GJB7: variants seen among roughly 807,000 people sequenced by gnomAD.
GJB7 encodes gap junction protein beta 7, also known as gap junction beta-7 protein.
For missense variants in GJB7, 253 were observed against 256.8 expected (o/e 0.99, Z 0.10); for synonymous variants, 87 against 95.2 (o/e 0.91, Z 0.50).
Position 87,284,915 on chromosome 6 carries a change from C to G in GJB7, c.-3G>C. 6.2e-7 allele frequency: 1 copy of G among 1,606,392 alleles called. No homozygotes were observed. On this transcript the variant is annotated 5_prime_UTR_variant, in exon 3 of 3. Coordinates refer to ENST00000525899, the MANE Select transcript of GJB7 (RefSeq NM_198568.3). ...TCTCTGAGGAACATCCAACTCATGA[C>G]TTAGGCTCAAAAGAAGGCAAGACTC...
intron 2 of GJB7, among the ~76,000 whole-genome samples, chr6:87,301,556 T>C (rs1332812687): frequency 6.6e-6 from 1 of 152,168 alleles, no homozygotes; most frequent in Non-Finnish European, 1.5e-5. Flanking sequence ...TGGAGCCCAC[T>C]GCAGCTCAAG....
chr6:87,286,409 A>T (rs1776060111), intron 2 of GJB7, among the ~76,000 whole-genome samples: 1 of 152,072 alleles, frequency 6.6e-6, no homozygotes, highest in Non-Finnish European at 1.5e-5. Context: ...TCCTAAATGC[A>T]TCTCAAATCC....
intron 2 of GJB7, among the ~76,000 whole-genome samples, chr6:87,285,450 T>G (rs1776043732): frequency 6.6e-6 from 1 of 152,196 alleles, no homozygotes; most frequent in African/African-American, 2.4e-5. Context: ...ATATCCCATA[T>G]CAGCAGCTCA....
At chr6:87,300,315 A>G in intron 2 of GJB7, 1 of 182,730 alleles carries the variant, frequency 5.5e-6, no homozygotes. Flanking sequence ...CCCAACAAAC[A>G]TTGTGAGAAC....
At chr6:87,301,394 G>A (rs1310013441) in intron 2 of GJB7, among the ~76,000 whole-genome samples, 2 of 152,164 alleles carry the variant, frequency 1.3e-5, no homozygotes, top group African/African-American at 4.8e-5. Context: ...CCTGCACATG[G>A]CTCAGAGAGT....
intron 2 of GJB7, chr6:87,299,953 T>A (rs935327239): frequency 6.2e-6 from 2 of 320,754 alleles, no homozygotes; most frequent in Admixed American, 7.4e-5. Flanking sequence ...AACTTTCAGA[T>A]GGAGTAGCAG....
chr6:87,306,373 C>A (rs949878915), intron 2 of GJB7, among the ~76,000 whole-genome samples: 1 of 152,172 alleles, frequency 6.6e-6, no homozygotes, highest in Non-Finnish European at 1.5e-5. Context: ...AGGACATGAA[C>A]AGACACTTCT....
At chr6:87,319,084 T>G (rs1776622417) in intron 2 of GJB7, among the ~76,000 whole-genome samples, 1 of 152,204 alleles carries the variant, frequency 6.6e-6, no homozygotes, top group Non-Finnish European at 1.5e-5. Context: ...ATTGGTCCCT[T>G]TGAATGTGTT....
rs1343077466 is a variant in GJB7, at chr6:87,284,540, G to C, written c.373C>G (p.Leu125Val). Residue 125 changes from leucine (L) to valine (V), a missense_variant, in exon 3 of 3, where the codon CTT (leucine) becomes GTT (valine). Leu to Val is a conservative substitution (Grantham distance 32). Coordinates refer to ENST00000525899, the MANE Select transcript of GJB7 (RefSeq NM_198568.3). ...CCAGTTTTAACAATGAGGCTGATAA[G>C]ATAAGCGTACCATAGGCCCCCATCC... ...TMDGGLWYAY[L>V]ISLIVKTGFE... 3.1e-6 allele frequency: 5 copies of C among 1,614,126 alleles called. No individual in the cohort carries two copies. In the South Asian group the frequency reaches 5.5e-5, roughly 18 times the overall value.
Position 87,284,725 on chromosome 6 carries a change from A to G in GJB7, c.188T>C (p.Val63Ala). ...CNSRQPGCKN[V>A]CFDDFFPISQ... ...AATGGGGAAGAAGTCATCAAAACAC[A>G]CATTTTTGCAACCGGGCTGTCTACT... Residue 63 changes from valine (V) to alanine (A), a missense_variant, in exon 3 of 3, where the codon GTG (valine) becomes GCG (alanine). Val to Ala is a moderately conservative substitution (Grantham distance 64). Coordinates refer to ENST00000525899, the MANE Select transcript of GJB7 (RefSeq NM_198568.3). The G allele has an allele frequency of 6.2e-7, 1 of 1,614,120 alleles. No individual in the cohort carries two copies. Among genetic ancestry groups the G allele is most frequent in the Non-Finnish European group, 8.5e-7 (1 of 1,180,020 alleles).
chr6:87,310,497 TAAAC>T (rs1776500369), intron 2 of GJB7, among the ~76,000 whole-genome samples: 1 of 151,858 alleles, frequency 6.6e-6, no homozygotes, highest in Admixed American at 6.6e-5. Flanking sequence ...TAAGAAAACA[TAAAC>T]AAGTGTGGGA....
chr6:87,318,624 T>TA, intron 2 of GJB7, among the ~76,000 whole-genome samples: 1 of 152,276 alleles, frequency 6.6e-6, no homozygotes, highest in African/African-American at 2.4e-5. Flanking sequence ...TGACATTTGC[T>TA]AATATCATAT....
rs895325238 is a variant in GJB7, at chr6:87,284,775, A to G, written c.138T>C (p.Asp46=). The G allele has an allele frequency of 8.7e-6, 14 of 1,614,164 alleles. No homozygotes were observed. The highest frequency in any genetic ancestry group is 1.2e-5 in the Non-Finnish European group (14 of 1,180,034). The change falls in exon 3 of 3, where the codon GAT becomes GAC. Residue 46 remains aspartate, a synonymous_variant. Coordinates refer to ENST00000525899, the MANE Select transcript of GJB7 (RefSeq NM_198568.3). The stretch of plus-strand genomic sequence containing the variant: ...TGTTGCACTCAAACTCTTTCTGCTC[A>G]TCTTTCCACACGTGCTCTGCTGCCA... ...YMVAAEHVWK[D]EQKEFECNSR... is the part of the protein sequence containing the mutation.
At chr6:87,287,868 T>A (rs1480741153) in intron 2 of GJB7, among the ~76,000 whole-genome samples, 2 of 152,192 alleles carry the variant, frequency 1.3e-5, no homozygotes, top group Admixed American at 6.5e-5. Flanking sequence ...ATGTCATAAT[T>A]ATGACTTTTA....
intron 2 of GJB7, among the ~76,000 whole-genome samples, chr6:87,293,357 A>T (rs1215147640): frequency 6.6e-6 from 1 of 152,140 alleles, no homozygotes; most frequent in Non-Finnish European, 1.5e-5. Context: ...TCATCAATTT[A>T]TATTATTAGT....
intron 2 of GJB7, among the ~76,000 whole-genome samples, chr6:87,316,420 G>T (rs968815417): frequency 6.6e-6 from 1 of 152,154 alleles, no homozygotes; most frequent in African/African-American, 2.4e-5. Flanking sequence ...TACACACCAA[G>T]CAGGGCTGAG....
chr6:87,296,447 A>G (rs9450654), intron 2 of GJB7, among the ~76,000 whole-genome samples: 1,738 of 152,338 alleles, frequency 0.011, 30 homozygotes, highest in African/African-American at 0.04. Context: ...TATGAAACAT[A>G]AATATGGACA....
chr6:87,325,294 C>T (rs1250049929), intron 1 of GJB7, among the ~76,000 whole-genome samples: 2 of 145,954 alleles, frequency 1.4e-5, no homozygotes, highest in African/African-American at 5.2e-5. Context: ...CCAGAACTTC[C>T]AACACTATGT....
At chr6:87,305,305 G>C (rs897479849) in intron 2 of GJB7, among the ~76,000 whole-genome samples, 1 of 151,942 alleles carries the variant, frequency 6.6e-6, no homozygotes, top group African/African-American at 2.4e-5. Flanking sequence ...ATCTCCTTAA[G>C]CTGATAAGCA....
Sources: allele counts gnomAD v4.1 joint callset (sites outside exome capture counted in the v4.1 genomes callset), GRCh38; gene constraint gnomAD v4.1.1; transcripts MANE v1.5; gene names NCBI Gene and HGNC (gene_info 2026-07-23, HGNC 2026-07-21).